Variants in VSIG1 observed in about 807,000 individuals in gnomAD.
VSIG1 encodes the protein V-set and immunoglobulin domain containing 1, also known as V-set and immunoglobulin domain-containing protein 1.
A neutral mutation model predicts 20.1 loss-of-function variants in VSIG1; 11 were observed. The ratio of observed to expected loss-of-function variants is 0.55; its 90% CI spans 0.34 to 0.91. VSIG1 has a LOEUF of 0.91. Among genes scored for constraint, VSIG1 ranks in the 40% least tolerant of loss-of-function variants. The probability of loss-of-function intolerance (pLI) is 0.02; values close to 1 mark genes in which losing one functional copy is unlikely to be tolerated. For missense variants in VSIG1, 283 were observed against 298.8 expected, an observed-to-expected ratio of 0.95 and a Z score of 0.39; for synonymous variants, 126 against 116.7, an observed-to-expected ratio of 1.08 and a Z score of -0.52.
chrX:108,027,674 C>T, the VSIG1 span, among the ~76,000 whole-genome samples: 1 of 111,606 alleles, frequency 9.0e-6, no homozygotes, highest in Middle Eastern at 4.6e-3. Context: ...AAAAAGAGTA[C>T]AGTATTCCTA....
chrX:108,027,982 A>G, the VSIG1 span, among the ~76,000 whole-genome samples: 46 of 111,214 alleles, frequency 4.1e-4, 1 homozygote, highest in African/African-American at 1.4e-3. Context: ...TTATATATAA[A>G]CCAAAAAAAA....
At chrX:108,063,111 G>A (rs1178287746) in intron 2 of VSIG1, among the ~76,000 whole-genome samples, 1 of 112,181 alleles carries the variant, frequency 8.9e-6, no homozygotes, top group Non-Finnish European at 1.9e-5. Flanking sequence ...GAACTGAGGG[G>A]CCTACAATTG....
intron 1 of VSIG1, among the ~76,000 whole-genome samples, chrX:108,051,714 TA>T: frequency 9.0e-6 from 1 of 110,776 alleles, no homozygotes; most frequent in Middle Eastern, 4.6e-3. Flanking sequence ...GTAGCCATCA[TA>T]AAAATGCCTC....
In VSIG1 at chrX:108,077,697, T is replaced by A; in HGVS notation, c.*316T>A. On this transcript the variant is annotated 3_prime_UTR_variant, in exon 7 of 7. Transcript: ENST00000217957. ...GTTATTTCAGAAAATATTATTTCTC[T>A]CTTTTTAACTACTCTTTTTTTTTAT... is the stretch of plus-strand genomic sequence containing the variant. The A allele has an allele frequency of 4.1e-6, 1 of 246,062 alleles. No homozygotes were observed. Among genetic ancestry groups the A allele is most frequent in the Non-Finnish European group, 7.2e-6 (1 of 139,777 alleles). 20.3% of individuals were successfully genotyped at this position (246,062 alleles called of 1,213,427 possible).
At chrX:108,039,104 C>T in the VSIG1 span, among the ~76,000 whole-genome samples, 1 of 111,215 alleles carries the variant, frequency 9.0e-6, no homozygotes, top group Admixed American at 9.5e-5. Flanking sequence ...TAATTGCCCC[C>T]CATCAACCAC....
chrX:108,042,189 G>T (rs1380703932), upstream of VSIG1, among the ~76,000 whole-genome samples: 1 of 111,665 alleles, frequency 9.0e-6, no homozygotes, highest in Non-Finnish European at 1.9e-5. Flanking sequence ...TTCCTGTCCT[G>T]GTTAGGTCTT....
the VSIG1 span, among the ~76,000 whole-genome samples, chrX:108,034,898 G>A: frequency 9.0e-6 from 1 of 110,977 alleles, no homozygotes; most frequent in Non-Finnish European, 1.9e-5. Flanking sequence ...CAAAGACAGC[G>A]GAAACAAAGC....
At chrX:108,064,112 T>G (rs1482286566) in intron 2 of VSIG1, among the ~76,000 whole-genome samples, 1 of 112,123 alleles carries the variant, frequency 8.9e-6, no homozygotes, top group Admixed American at 9.4e-5. Context: ...AGATAAGCAG[T>G]TTCAGGAAAA....
chrX:108,053,563 A>G (rs561474845), intron 1 of VSIG1, among the ~76,000 whole-genome samples: 2 of 112,055 alleles, frequency 1.8e-5, no homozygotes, highest in Admixed American at 9.5e-5. Flanking sequence ...GAAAAGGGAA[A>G]CAGAAGAATA....
At chrX:108,053,101 G>A (rs761529533) in intron 1 of VSIG1, among the ~76,000 whole-genome samples, 2 of 112,042 alleles carry the variant, frequency 1.8e-5, no homozygotes, top group Non-Finnish European at 3.8e-5. Flanking sequence ...TCAGTTGAAG[G>A]AAAACAAAAA....
the VSIG1 span, among the ~76,000 whole-genome samples, chrX:108,035,983 A>G: frequency 9.6e-6 from 1 of 104,133 alleles, no homozygotes; most frequent in Non-Finnish European, 2.0e-5. Flanking sequence ...TAAAATGAGG[A>G]GTATAACTAA....
At chrX:108,050,757 G>T (rs1202939533) in intron 1 of VSIG1, among the ~76,000 whole-genome samples, 1 of 111,344 alleles carries the variant, frequency 9.0e-6, no homozygotes, top group East Asian at 2.8e-4. Flanking sequence ...AAAAACTGAG[G>T]GAGATTTCTG....
At chrX:108,029,786 A>C in the VSIG1 span, among the ~76,000 whole-genome samples, 1 of 111,673 alleles carries the variant, frequency 9.0e-6, no homozygotes, top group Non-Finnish European at 1.9e-5. Context: ...TATGGGTCAA[A>C]AGGTGAGAGG....
chrX:108,042,108 T>C (rs773759738), upstream of VSIG1, among the ~76,000 whole-genome samples: 1 of 112,192 alleles, frequency 8.9e-6, no homozygotes, highest in Admixed American at 9.5e-5. Context: ...TAAGCAATAG[T>C]TAATAACATC....
chrX:108,046,294 A>G (rs1273446857), intron 1 of VSIG1, among the ~76,000 whole-genome samples: 1 of 111,972 alleles, frequency 8.9e-6, no homozygotes, highest in Non-Finnish European at 1.9e-5. Context: ...AGAAGGCAAT[A>G]CTCCATTTGT....
In VSIG1 at chrX:108,073,353, C is replaced by A; in HGVS notation, c.672C>A (p.Ile224=). The A allele has an allele frequency of 1.7e-6, 2 of 1,210,710 alleles. No homozygotes were observed. Residue 224 remains isoleucine (I), a synonymous_variant, in exon 5 of 7, where the codon ATC becomes ATA. Coordinates refer to ENST00000217957, the MANE Select transcript of VSIG1 (RefSeq NM_182607.5). ...INRLGNSSCE[I]DLTSSHPEVG... ...GACTTGGCAATAGTTCCTGCGAAAT[C>A]GATCTCACTTCTTCACGTGAGTTGA...
At chrX:108,039,658 G>A in the VSIG1 span, among the ~76,000 whole-genome samples, 3 of 111,150 alleles carry the variant, frequency 2.7e-5, no homozygotes, top group Non-Finnish European at 5.7e-5. Context: ...AGACCAGTTA[G>A]GAGGCTATAG....
At chrX:108,047,953 TACACAC>T (rs1158174171) in intron 1 of VSIG1, among the ~76,000 whole-genome samples, 14 of 14,992 alleles carry the variant, frequency 9.3e-4, no homozygotes, top group Non-Finnish European at 1.2e-3. Context: ...TATATATATA[TACACAC>T]ACATATATAT....
At chrX:108,024,295 T>C in the VSIG1 span, among the ~76,000 whole-genome samples, 1 of 111,496 alleles carries the variant, frequency 9.0e-6, no homozygotes, top group African/African-American at 3.3e-5. Flanking sequence ...AGTAGTAATG[T>C]CCTGAGTCCG....
Sources: gnomAD v4.1 joint callset for allele counts (sites outside exome capture counted in the v4.1 genomes callset) on GRCh38, gnomAD v4.1.1 for gene constraint, MANE v1.5 for transcripts, NCBI Gene and HGNC (gene_info 2026-07-23, HGNC 2026-07-21) for gene names.